Variants in DSCAML1 observed in about 807,000 individuals in gnomAD.
The protein encoded by DSCAML1 is DS cell adhesion molecule like 1.
DSCAML1 carries 38 observed loss-of-function variants against 200.5 expected under a neutral mutation model. That is an observed-to-expected ratio of 0.19 (90% CI 0.15 to 0.25). DSCAML1 has a LOEUF of 0.25. DSCAML1 is among the 10% of genes least tolerant of loss of function. The pLI is 1.00. For missense variants in DSCAML1, 2,223 were observed against 2,858.8 expected (o/e 0.78, Z 5.07); for synonymous variants, 1,215 against 1,165.0 (o/e 1.04, Z -0.87).
chr11:117,442,567 A>G (rs1007086653), intron 21 of DSCAML1, among the ~76,000 whole-genome samples: 1 of 152,078 alleles, frequency 6.6e-6, no homozygotes, highest in African/African-American at 2.4e-5. Context: ...TTCCCACCTC[A>G]CAGGGCGGCT....
intron 1 of DSCAML1, among the ~76,000 whole-genome samples, chr11:117,787,881 G>T (rs1220993130): frequency 6.6e-6 from 1 of 152,072 alleles, no homozygotes; most frequent in Non-Finnish European, 1.5e-5. Context: ...TCCACACAAA[G>T]GTTTTCATGG....
At chr11:117,524,198 G>A (rs767570373) in intron 5 of DSCAML1, among the ~76,000 whole-genome samples, 3 of 152,204 alleles carry the variant, frequency 2.0e-5, no homozygotes, top group Non-Finnish European at 4.4e-5. Context: ...CCAGCTCCTT[G>A]GACCCCTAGA....
chr11:117,434,549 T>C (rs1414745346), intron 27 of DSCAML1, among the ~76,000 whole-genome samples: 1 of 152,086 alleles, frequency 6.6e-6, no homozygotes, highest in African/African-American at 2.4e-5. Context: ...CATCTACCTA[T>C]CTGTTCAACT....
At chr11:117,522,077 C>T (rs139295734) in intron 5 of DSCAML1, among the ~76,000 whole-genome samples, 36 of 152,354 alleles carry the variant, frequency 2.4e-4, no homozygotes, top group African/African-American at 8.4e-4. Flanking sequence ...GTCACCAAAG[C>T]CATAGGTCTT....
At chr11:117,528,922 G>GCCGCCCC (rs2050025511) in intron 4 of DSCAML1, among the ~76,000 whole-genome samples, 1 of 149,928 alleles carries the variant, frequency 6.7e-6, no homozygotes, top group Non-Finnish European at 1.5e-5. Flanking sequence ...AATGAAAGTT[G>GCCGCCCC]CCGCCCCCCG....
intron 1 of DSCAML1, among the ~76,000 whole-genome samples, chr11:117,789,462 G>T (rs776149462): frequency 9.9e-5 from 15 of 152,126 alleles, no homozygotes; most frequent in Non-Finnish European, 1.6e-4. Flanking sequence ...CATTCACAAG[G>T]CCTAGAGAGG....
At chr11:117,577,483 TTCCTTCCTTCCTTCC>T (rs2050959536) in intron 3 of DSCAML1, among the ~76,000 whole-genome samples, 1 of 29,426 alleles carries the variant, frequency 3.4e-5, no homozygotes. Context: ...CCTTCCTTCC[TTCCTTCCTTCCTTCC>T]TTCCTTCCCT....
chr11:117,428,949 A>G (rs1454104306), intron 32 of DSCAML1, 146 bp from the exon 33 acceptor site: 4 of 694,398 alleles, frequency 5.8e-6, no homozygotes, highest in South Asian at 1.9e-5. Context: ...AGAGTAGCGG[A>G]AAGGTCGGGT....
At chr11:117,594,407 A>G (rs1301368979) in intron 3 of DSCAML1, among the ~76,000 whole-genome samples, 2 of 152,216 alleles carry the variant, frequency 1.3e-5, no homozygotes, top group Non-Finnish European at 2.9e-5. Flanking sequence ...TTTCAAACAA[A>G]CACCCTTGAG....
At chr11:117,550,828 C>G (rs1251134871) in intron 3 of DSCAML1, among the ~76,000 whole-genome samples, 1 of 152,226 alleles carries the variant, frequency 6.6e-6, no homozygotes, top group Non-Finnish European at 1.5e-5. Context: ...TAGCTCCAGC[C>G]TCACCTCTTC....
rs576946454 is a variant in DSCAML1 at position 117,434,751 on chromosome 11, A to T, written c.4876+893T>A. 4.3e-4 allele frequency among the ~76,000 whole-genome samples: 66 copies of T among 152,022 alleles called. No homozygotes were observed. In the Middle Eastern group the frequency reaches 0.014, roughly 32 times the overall value. On this transcript the variant is annotated intron_variant, in intron 27 of 32. Transcript: ENST00000651296. ...GATCCATTCAACCATCCAACCATGT[A>T]ACTACTCACCACCCATCTAGTCATT... is the stretch of plus-strand genomic sequence containing the variant.
At chr11:117,724,992 T>C (rs1243280024) in intron 3 of DSCAML1, among the ~76,000 whole-genome samples, 1 of 152,134 alleles carries the variant, frequency 6.6e-6, no homozygotes, top group Non-Finnish European at 1.5e-5. Flanking sequence ...ATAAATTCTC[T>C]GGACACCCCC....
At chr11:117,445,583 T>G (rs1459418372) in intron 20 of DSCAML1, among the ~76,000 whole-genome samples, 1 of 152,214 alleles carries the variant, frequency 6.6e-6, no homozygotes, top group African/African-American at 2.4e-5. Flanking sequence ...TGTGTGTGAC[T>G]GAGGCACAAG....
chr11:117,519,748 A>G (rs1215450571), intron 6 of DSCAML1, among the ~76,000 whole-genome samples: 1 of 152,204 alleles, frequency 6.6e-6, no homozygotes, highest in East Asian at 1.9e-4. Context: ...TGAACTCAGG[A>G]GTTTGAGGCC....
At chr11:117,781,316 A>G (rs1238816022) in intron 1 of DSCAML1, among the ~76,000 whole-genome samples, 1 of 152,118 alleles carries the variant, frequency 6.6e-6, no homozygotes, top group Non-Finnish European at 1.5e-5. Flanking sequence ...GAAAGAAAGA[A>G]AAAAAGAAAA....
chr11:117,696,204 C>T (rs2053585463), intron 3 of DSCAML1, among the ~76,000 whole-genome samples: 1 of 152,258 alleles, frequency 6.6e-6, no homozygotes, highest in South Asian at 2.1e-4. Flanking sequence ...GGTACAGCTG[C>T]CTCGAGTTTT....
chr11:117,546,786 C>T (rs768835604), intron 3 of DSCAML1, among the ~76,000 whole-genome samples: 18 of 152,126 alleles, frequency 1.2e-4, no homozygotes, highest in Non-Finnish European at 5.9e-5. Flanking sequence ...CTAAATACAG[C>T]TCTATCTTTC....
intron 3 of DSCAML1, among the ~76,000 whole-genome samples, chr11:117,740,501 C>G (rs1016018693): frequency 6.6e-6 from 1 of 152,168 alleles, no homozygotes; most frequent in African/African-American, 2.4e-5. Context: ...CACCCTGTCT[C>G]ACACTGAAAG....
intron 3 of DSCAML1, among the ~76,000 whole-genome samples, chr11:117,622,946 C>T (rs1487944722): frequency 6.6e-6 from 1 of 152,146 alleles, no homozygotes; most frequent in Admixed American, 6.5e-5. Flanking sequence ...TATAAATGCT[C>T]TTCTACTGGG....
Sources: allele counts gnomAD v4.1 joint callset (sites outside exome capture counted in the v4.1 genomes callset), GRCh38; gene constraint gnomAD v4.1.1; transcripts MANE v1.5; gene names NCBI Gene and HGNC (gene_info 2026-07-23, HGNC 2026-07-21).